The following MAP3K20 variants were observed in gnomAD, a reference collection of about 807,000 sequenced individuals.
MAP3K20 encodes HCCS-4.
A neutral mutation model predicts 85.7 loss-of-function variants in MAP3K20; 40 were observed. The ratio of observed to expected loss-of-function variants is 0.47; its 90% CI spans 0.36 to 0.61. MAP3K20 has a LOEUF of 0.61. Among genes scored for constraint, MAP3K20 ranks in the 20% least tolerant of loss-of-function variants. The probability of loss-of-function intolerance (pLI) is 0.00; values close to 1 mark genes in which losing one functional copy is unlikely to be tolerated. For synonymous variants in MAP3K20, 325 were observed against 327.7 expected, an observed-to-expected ratio of 0.99 and a Z score of 0.09; for missense variants, 817 against 961.7, an observed-to-expected ratio of 0.85 and a Z score of 1.99.
At chr2:173,229,197 C>A (rs915140971) in intron 11 of MAP3K20, among the ~76,000 whole-genome samples, 3 of 152,214 alleles carry the variant, frequency 2.0e-5, no homozygotes, top group Admixed American at 6.5e-5. Flanking sequence ...TGTCCTTCTT[C>A]ATCCGTGAGT....
intron 16 of MAP3K20, among the ~76,000 whole-genome samples, chr2:173,258,411 T>TG (rs1685207745): frequency 6.6e-6 from 1 of 152,222 alleles, no homozygotes; most frequent in Non-Finnish European, 1.5e-5. Context: ...GGAAACTGCC[T>TG]GGTTTTACTC....
intron 16 of MAP3K20, among the ~76,000 whole-genome samples, chr2:173,257,045 TC>T (rs140413753): frequency 0.042 from 6,451 of 152,152 alleles, 295 homozygotes; most frequent in African/African-American, 0.1. Context: ...GTGCTTGTGG[TC>T]CCAGCTACTT....
chr2:173,263,103 T>C (rs1000025659), intron 18 of MAP3K20, among the ~76,000 whole-genome samples: 4 of 152,236 alleles, frequency 2.6e-5, no homozygotes, highest in Admixed American at 1.3e-4. Context: ...TTGACACTGA[T>C]TGGTGACAGC....
intron 11 of MAP3K20, chr2:173,221,488 T>C (rs1052718050): frequency 2.5e-6 from 4 of 1,606,248 alleles, no homozygotes; most frequent in African/African-American, 1.3e-5. Context: ...ATGATGATGA[T>C]GACGGTGAGG....
At chr2:173,146,232 GTT>G (rs1250178310) in intron 2 of MAP3K20, among the ~76,000 whole-genome samples, 1 of 143,666 alleles carries the variant, frequency 7.0e-6, no homozygotes, top group African/African-American at 2.5e-5. Context: ...GGTTTTTGTT[GTT>G]TTTTTTTTTA....
intron 16 of MAP3K20, among the ~76,000 whole-genome samples, chr2:173,254,563 G>A (rs1409486567): frequency 6.6e-6 from 1 of 152,076 alleles, no homozygotes. Flanking sequence ...TTGTGGAATT[G>A]TTATTTTTAG....
chr2:173,102,757 T>C (rs1338550270), intron 2 of MAP3K20, among the ~76,000 whole-genome samples: 1 of 152,218 alleles, frequency 6.6e-6, no homozygotes, highest in Non-Finnish European at 1.5e-5. Flanking sequence ...TTTAAAAACA[T>C]GCCAAGCAGT....
chr2:173,159,208 GTTTGGGGATTTTC>G (rs1217804052), intron 2 of MAP3K20, among the ~76,000 whole-genome samples: 1 of 152,154 alleles, frequency 6.6e-6, no homozygotes, highest in Non-Finnish European at 1.5e-5. Context: ...TTGAAGCCTT[GTTTGGGGATTTTC>G]TTTGGGGATA....
chr2:173,120,351 G>T (rs929179809), intron 2 of MAP3K20, among the ~76,000 whole-genome samples: 1 of 151,908 alleles, frequency 6.6e-6, no homozygotes. Context: ...CTATTCTTGG[G>T]CATAGGAGCA....
At chr2:173,160,918 C>T (rs1038084025) in intron 2 of MAP3K20, among the ~76,000 whole-genome samples, 1 of 152,176 alleles carries the variant, frequency 6.6e-6, no homozygotes, top group African/African-American at 2.4e-5. Flanking sequence ...AAAGAAGCAC[C>T]TACCGTAGCT....
At chr2:173,116,934 C>T (rs925477052) in intron 2 of MAP3K20, among the ~76,000 whole-genome samples, 1 of 152,162 alleles carries the variant, frequency 6.6e-6, no homozygotes, top group African/African-American at 2.4e-5. Context: ...AGATTCCTAG[C>T]TCCTTTGAAA....
intron 2 of MAP3K20, among the ~76,000 whole-genome samples, chr2:173,095,683 TCTC>T (rs976163763): frequency 6.6e-6 from 1 of 152,176 alleles, no homozygotes; most frequent in Non-Finnish European, 1.5e-5. Flanking sequence ...ATAGGATTCT[TCTC>T]AGATGTATAA....
intron 11 of MAP3K20, chr2:173,222,124 A>G (rs993687425): frequency 4.5e-6 from 4 of 891,996 alleles, no homozygotes; most frequent in Admixed American, 6.2e-5. Context: ...ATTGCTTGAG[A>G]CCTAGCAATC....
intron 9 of MAP3K20, among the ~76,000 whole-genome samples, chr2:173,206,198 C>T (rs1683682427): frequency 6.6e-6 from 1 of 152,154 alleles, no homozygotes; most frequent in African/African-American, 2.4e-5. Context: ...CTTAATTGAG[C>T]ACTCAGTACC....
At chr2:173,099,655 A>G (rs1276049710) in intron 2 of MAP3K20, among the ~76,000 whole-genome samples, 4 of 151,768 alleles carry the variant, frequency 2.6e-5, no homozygotes, top group African/African-American at 7.3e-5. Flanking sequence ...AGCTGTAATT[A>G]TTTCCTTCTC....
intron 2 of MAP3K20, among the ~76,000 whole-genome samples, chr2:173,153,365 C>G (rs1689363396): frequency 6.6e-6 from 1 of 152,198 alleles, no homozygotes; most frequent in Non-Finnish European, 1.5e-5. Context: ...AGTTATTCTC[C>G]ATCCTCATGG....
chr2:173,260,975 G>A, intron 17 of MAP3K20, 88 bp from the exon 18 acceptor site: 5 of 1,196,094 alleles, frequency 4.2e-6, no homozygotes, highest in Non-Finnish European at 6.1e-6. Flanking sequence ...TTTGCTAATT[G>A]TGTATGGCAC....
chr2:173,126,147 A>AAT, intron 2 of MAP3K20, among the ~76,000 whole-genome samples: 1 of 152,276 alleles, frequency 6.6e-6, no homozygotes, highest in Admixed American at 6.5e-5. Context: ...ATTGTCTCTA[A>AAT]ATATATATAT....
chr2:173,240,428 C>T (rs998843201), intron 16 of MAP3K20, among the ~76,000 whole-genome samples: 1 of 152,172 alleles, frequency 6.6e-6, no homozygotes, highest in Non-Finnish European at 1.5e-5. Flanking sequence ...GAACCAGTGC[C>T]TGGGAATGAC....
Sources: allele counts gnomAD v4.1 joint callset (sites outside exome capture counted in the v4.1 genomes callset), GRCh38; gene constraint gnomAD v4.1.1; transcripts MANE v1.5; gene names NCBI Gene and HGNC (gene_info 2026-07-23, HGNC 2026-07-21).